Variants in CCAR2 observed in about 807,000 individuals in gnomAD.
The protein encoded by CCAR2 is cell cycle and apoptosis regulator 2, also known as cell cycle and apoptosis regulator protein 2.
Under a neutral mutation model 108.1 loss-of-function variants are expected in CCAR2, and 21 were observed. The ratio of observed to expected loss-of-function variants is 0.19; its 90% CI spans 0.14 to 0.28. The LOEUF (loss-of-function observed/expected upper bound fraction) is 0.28. Ranked by LOEUF, CCAR2 falls within the 10% of genes least tolerant of loss-of-function variation. CCAR2 has a pLI of 1.00. For synonymous variants in CCAR2, 577 were observed against 472.8 expected (o/e 1.22, Z -2.86); for missense variants, 1,126 against 1,177.0 (o/e 0.96, Z 0.63).
chr8:22,606,779 T>G (rs1801096442), intron 4 of CCAR2, 81 bp downstream of exon 4: 1 of 1,460,766 alleles, frequency 6.8e-7, no homozygotes, highest in Admixed American at 1.8e-5. Context: ...CCCACCCGCC[T>G]CAAAGCCATT....
chr8:22,610,761 T>C (rs570211346), intron 7 of CCAR2, among the ~76,000 whole-genome samples: 85 of 152,294 alleles, frequency 5.6e-4, no homozygotes, highest in African/African-American at 1.9e-3. Flanking sequence ...CCCAGGCAGG[T>C]CTAAAAGGCA....
chr8:22,610,396 G>C (rs1801228844), intron 7 of CCAR2, among the ~76,000 whole-genome samples: 1 of 152,220 alleles, frequency 6.6e-6, no homozygotes, highest in African/African-American at 2.4e-5. Flanking sequence ...GGTGTACCCA[G>C]CTGGGCTCTG....
At chr8:22,618,767 C>T (rs1376293878) in intron 18 of CCAR2, 39 bp downstream of exon 18, 4 of 1,613,120 alleles carry the variant, frequency 2.5e-6, no homozygotes, top group East Asian at 2.2e-5. Context: ...GGGGCACGGG[C>T]AGGGCAGGCT....
In CCAR2 at chr8:22,617,485, C is replaced by T. The variant is rs145612413; in HGVS notation, c.1911C>T (p.Gly637=). Reference sequence around the variant, plus strand: ...GAGAGGAAGAAGAAAAACCCCGGGGCGAGGCTTCTGAGGACCTGTGTGAGA... The same window carrying T: ...GAGAGGAAGAAGAAAAACCCCGGGGTGAGGCTTCTGAGGACCTGTGTGAGA... ...SGGEEEEKPR[G]EASEDLCEMA... The change falls in exon 15 of 21, where the codon GGC becomes GGT. Residue 637 remains glycine (G), a synonymous_variant. Transcript: ENST00000308511. 4.5e-4 allele frequency: 721 copies of T among 1,604,926 alleles called. 4 individuals are homozygous for T. In the East Asian group the frequency reaches 0.013, roughly 29 times the overall value.
In CCAR2 at chr8:22,606,196, T is replaced by C. The variant is rs1300115554; in HGVS notation, c.150+20T>C. ...CTTCAGGTAGGTTCGGCATCCCTTG[T>C]AGTAAGTTTCAGCCCTTGGGACTGA... On this transcript the variant is annotated intron_variant, in intron 3 of 20. Coordinates refer to ENST00000308511, the MANE Select transcript of CCAR2 (RefSeq NM_001393997.1). The C allele has an allele frequency of 6.3e-7, 1 of 1,590,830 alleles. No homozygotes were observed. The highest frequency in any genetic ancestry group is 1.1e-5 in the South Asian group (1 of 90,518).
Position 22,614,513 on chromosome 8 carries a change from G to C in CCAR2, c.1041+10G>C. The stretch of plus-strand genomic sequence containing the variant: ...TCTGAAGCAGATTAAGGTAAGAGCT[G>C]GAGAGCAGGAGGAGATGCATTCACG... On this transcript the variant is annotated intron_variant, in intron 10 of 20. Transcript: ENST00000308511. 6.2e-7 allele frequency: 1 copy of C among 1,607,680 alleles called. No individual in the cohort carries two copies. The highest frequency in any genetic ancestry group is 8.5e-7 in the Non-Finnish European group (1 of 1,174,590).
At position 22,619,995 on chromosome 8, in the gene CCAR2, C is replaced by T; in HGVS notation, c.*313C>T. On this transcript the variant is annotated 3_prime_UTR_variant, in exon 21 of 21. Transcript: ENST00000308511. ...AGTCTTGTGCTGACTTTCTCCTGTC[C>T]TCTTCCAGTTTAGAATAAGACAGGG... 1 of 409,640 alleles carries T rather than the reference C, an allele frequency of 2.4e-6. No individual in the cohort carries two copies. Among genetic ancestry groups the T allele is most frequent in the South Asian group, 3.0e-5 (1 of 33,128 alleles). The allele number at this position is 409,640 out of a possible 1,614,324, so 25.4% of individuals were successfully genotyped here. A position where few individuals can be genotyped will look rare whatever the true frequency, so the allele number is the denominator to read the frequency against.
chr8:22,606,273 C>G (rs1188918414), intron 3 of CCAR2, 97 bp downstream of exon 3: 3 of 1,063,182 alleles, frequency 2.8e-6, no homozygotes, highest in African/African-American at 3.2e-5. Flanking sequence ...GTTTATCATT[C>G]CTGATCCCTC....
Position 22,616,133 on chromosome 8 carries a change from A to C in CCAR2, c.1730A>C (p.Glu577Ala), listed in dbSNP as rs143150726. ...VVSPPEPEKE[E>A]AAKEEATKEE... ...TCCCCACCTGAACCTGAGAAGGAGG[A>C]GGCGGCCAAGGAAGAAGCCACCAAG... Residue 577 changes from glutamate to alanine, a missense_variant, in exon 14 of 21, where the codon GAG becomes GCG. By Grantham distance (107) the Glu-to-Ala change is moderately radical. Coordinates refer to ENST00000308511, the MANE Select transcript of CCAR2 (RefSeq NM_001393997.1). The C allele has an allele frequency of 5.1e-4, 830 of 1,613,786 alleles. 4 individuals are homozygous for C. The highest frequency in any genetic ancestry group is 3.9e-3 in the African/African-American group (293 of 74,970).
At chr8:22,608,748 G>C (rs2117422438) in intron 7 of CCAR2, among the ~76,000 whole-genome samples, 3 of 152,290 alleles carry the variant, frequency 2.0e-5, no homozygotes, top group Admixed American at 2.0e-4. Flanking sequence ...TAAAAGTTAA[G>C]CTCCAGAATG....
chr8:22,617,621 G>A, intron 15 of CCAR2, 57 bp downstream of exon 15: 2 of 1,612,118 alleles, frequency 1.2e-6, no homozygotes, highest in South Asian at 1.1e-5. Flanking sequence ...TTCCACCTGT[G>A]GCCAAGCTGG....
intron 20 of CCAR2, 140 bp downstream of exon 20, chr8:22,619,495 T>G (rs1414045201): frequency 7.1e-7 from 1 of 1,400,638 alleles, no homozygotes; most frequent in African/African-American, 1.4e-5. Flanking sequence ...TGCCAGGCAG[T>G]GTGCCCCTGG....
chr8:22,607,367 G>A, intron 6 of CCAR2, 42 bp downstream of exon 6: 2 of 1,600,688 alleles, frequency 1.2e-6, no homozygotes, highest in Non-Finnish European at 1.7e-6. Context: ...GCATTATGGG[G>A]TAGTTTAGAT....
chr8:22,611,602 G>GT (rs1218172256), intron 7 of CCAR2, among the ~76,000 whole-genome samples: 2 of 151,974 alleles, frequency 1.3e-5, no homozygotes, highest in Non-Finnish European at 2.9e-5. Flanking sequence ...CTGTGTTCTA[G>GT]TTTTTATCTA....
Position 22,615,738 on chromosome 8 carries a change from T to TAGA in CCAR2, c.1435_1437dup (p.Arg480dup). The TAGA allele has an allele frequency of 6.2e-7, 1 of 1,613,794 alleles. No homozygotes were observed. The highest frequency in any genetic ancestry group is 1.1e-5 in the South Asian group (1 of 91,080). On this transcript the variant is annotated inframe_insertion, in exon 13 of 21. Coordinates refer to ENST00000308511, the MANE Select transcript of CCAR2 (RefSeq NM_001393997.1). ...CCTTGGAGCAAGCAGCAGACACTTC[T>TAGA]AGACGGAACGCAGAAACTCCAGAGG...
chr8:22,608,148 A>G (rs1413730010), intron 7 of CCAR2, 83 bp downstream of exon 7: 2 of 1,167,502 alleles, frequency 1.7e-6, no homozygotes, highest in Admixed American at 4.2e-5. Context: ...TGTGTTGGCC[A>G]GGAAGTGAAC....
intron 14 of CCAR2, chr8:22,616,534 T>A (rs1801515470): frequency 2.2e-6 from 1 of 452,630 alleles, no homozygotes; most frequent in Non-Finnish European, 4.0e-6. Context: ...GAAAATTTTG[T>A]AGGCCGGGCG....
intron 7 of CCAR2, among the ~76,000 whole-genome samples, chr8:22,611,500 T>C (rs760676627): frequency 6.6e-6 from 1 of 151,918 alleles, no homozygotes; most frequent in Non-Finnish European, 1.5e-5. Flanking sequence ...TCTACCTTCT[T>C]TCTCTTTAAA....
At chr8:22,621,236 G>T (rs1801793857), downstream of CCAR2, 2 of 709,728 alleles carry the variant, frequency 2.8e-6, no homozygotes, top group East Asian at 2.8e-5. Flanking sequence ...GGCTGTGAGT[G>T]GGGAGACGGC....
Sources: gnomAD v4.1 joint callset for allele counts (sites outside exome capture counted in the v4.1 genomes callset) on GRCh38, gnomAD v4.1.1 for gene constraint, MANE v1.5 for transcripts, NCBI Gene and HGNC (gene_info 2026-07-23, HGNC 2026-07-21) for gene names.